Variants in PACRGL observed in about 807,000 individuals in gnomAD.
PACRGL encodes the protein parkin coregulated like.
Under a neutral mutation model 34.5 loss-of-function variants are expected in PACRGL, and 38 were observed. That is an observed-to-expected ratio of 1.10 (90% CI 0.85 to 1.44). The LOEUF (loss-of-function observed/expected upper bound fraction) is 1.44, where lower values mean the gene tolerates loss of function less well. Ranked by LOEUF, PACRGL falls within the 40% of genes most tolerant of loss-of-function variation. The pLI, the probability that PACRGL is intolerant of heterozygous loss-of-function variation, is 0.00. For synonymous variants in PACRGL, 128 were observed against 100.1 expected (o/e 1.28, Z -1.66); for missense variants, 305 against 281.4 (o/e 1.08, Z -0.60).
the PACRGL span, chr4:20,758,977 A>C: frequency 1.0e-6 from 1 of 974,538 alleles, no homozygotes; most frequent in South Asian, 1.4e-5. Flanking sequence ...ACTGTCTACC[A>C]TGCAAAGCTG....
downstream of PACRGL, among the ~76,000 whole-genome samples, chr4:20,736,803 G>C (rs1185266307): frequency 6.6e-6 from 1 of 152,120 alleles, no homozygotes; most frequent in African/African-American, 2.4e-5. Flanking sequence ...GACAAAAACA[G>C]AAATAATTGT....
chr4:20,715,799 A>G (rs1158323561), intron 7 of PACRGL, among the ~76,000 whole-genome samples: 1 of 152,066 alleles, frequency 6.6e-6, no homozygotes, highest in East Asian at 1.9e-4. Context: ...TTGGAGGTGG[A>G]GGTTGTAGTG....
intron 8 of PACRGL, among the ~76,000 whole-genome samples, chr4:20,744,111 C>T (rs1254058794): frequency 1.3e-5 from 2 of 152,128 alleles, no homozygotes; most frequent in Admixed American, 6.6e-5. Context: ...AGTCAGGAAA[C>T]AACAGATGCT....
intron 1 of PACRGL, chr4:20,701,526 T>A (rs1410550796): frequency 5.7e-6 from 1 of 174,096 alleles, no homozygotes; most frequent in East Asian, 1.5e-4. Context: ...CAGGTTCGCT[T>A]CTCCCCATCA....
rs541639609 is a variant in PACRGL, at chr4:20,701,914, C to T, written c.-17+1127C>T. 4.2e-5 allele frequency: 19 copies of T among 455,790 alleles called. No individual in the cohort carries two copies. In the East Asian group the frequency reaches 1.3e-3, roughly 32 times the overall value. 28.2% of individuals were successfully genotyped at this position (455,790 alleles called of 1,614,324 possible). A position where few individuals can be genotyped will look rare whatever the true frequency, so the allele number is the denominator to read the frequency against. On this transcript the variant is annotated intron_variant, in intron 1 of 8. Transcript: ENST00000503585. ...AGGATAAAAATTTTAAGTGAAAAAGCAATTGTTTTGGAAGGAAATTCTCTA... is the reference window on the plus strand; with the variant it reads ...AGGATAAAAATTTTAAGTGAAAAAGTAATTGTTTTGGAAGGAAATTCTCTA...
At chr4:20,761,121 A>T in the PACRGL span, among the ~76,000 whole-genome samples, 2 of 152,162 alleles carry the variant, frequency 1.3e-5, no homozygotes, top group Non-Finnish European at 2.9e-5. Flanking sequence ...CTTCCCAGAG[A>T]AAGAGTGTTC....
intron 7 of PACRGL, among the ~76,000 whole-genome samples, chr4:20,719,743 C>T (rs1012975373): frequency 7.9e-5 from 12 of 151,832 alleles, no homozygotes; most frequent in Non-Finnish European, 1.5e-4. Flanking sequence ...GAGTGCTTTA[C>T]TTCCAACTAT....
intron 8 of PACRGL, among the ~76,000 whole-genome samples, chr4:20,746,476 C>A (rs1752452683): frequency 6.6e-6 from 1 of 151,440 alleles, no homozygotes; most frequent in Non-Finnish European, 1.5e-5. Flanking sequence ...ACCTATGTGA[C>A]AAAAATGCAC....
chr4:20,707,918 A>G (rs1238816320), intron 4 of PACRGL, 48 bp downstream of exon 4: 1 of 1,318,742 alleles, frequency 7.6e-7, no homozygotes, highest in Admixed American at 1.8e-5. Context: ...AAAATCATTG[A>G]GTAAAATGAA....
intron 7 of PACRGL, among the ~76,000 whole-genome samples, chr4:20,717,184 G>GT (rs1289357469): frequency 1.3e-5 from 2 of 151,994 alleles, no homozygotes; most frequent in Non-Finnish European, 2.9e-5. Context: ...GGGGTTGTTT[G>GT]TTTTTTTCTT....
downstream of PACRGL, among the ~76,000 whole-genome samples, chr4:20,734,318 T>C (rs1431440619): frequency 6.6e-6 from 1 of 152,166 alleles, no homozygotes; most frequent in Non-Finnish European, 1.5e-5. Flanking sequence ...TCAGGCTAAA[T>C]GTTGAAACAT....
intron 8 of PACRGL, among the ~76,000 whole-genome samples, chr4:20,738,989 G>A (rs1427762489): frequency 6.6e-6 from 1 of 152,174 alleles, no homozygotes; most frequent in Non-Finnish European, 1.5e-5. Context: ...CTTGCTCACT[G>A]CTATCACAGA....
chr4:20,729,944 T>A lies in PACRGL; in HGVS notation c.*2603T>A. The A allele has an allele frequency of 9.9e-7, 1 of 1,011,344 alleles. No homozygotes were observed. The highest frequency in any genetic ancestry group is 1.4e-6 in the Non-Finnish European group (1 of 736,798). 62.6% of individuals were successfully genotyped at this position (1,011,344 alleles called of 1,614,324 possible). Reference sequence around the variant, plus strand: ...AAGCTCAAATCTTTTGGGGATTGCTTTATATTAAAACAAAGCTTGTTTGCA... The same window carrying A: ...AAGCTCAAATCTTTTGGGGATTGCTATATATTAAAACAAAGCTTGTTTGCA... On this transcript the variant is annotated 3_prime_UTR_variant, in exon 9 of 9. Coordinates refer to ENST00000503585, the MANE Select transcript of PACRGL (RefSeq NM_001258345.3).
upstream of PACRGL, among the ~76,000 whole-genome samples, chr4:20,697,323 G>A (rs567781375): frequency 6.6e-6 from 1 of 152,020 alleles, no homozygotes; most frequent in Non-Finnish European, 1.5e-5. Context: ...TTCTTTACAA[G>A]AATTAAGACA....
chr4:20,730,198 T>C lies in PACRGL; in HGVS notation c.*2857T>C. The C allele has an allele frequency of 2.0e-6, 3 of 1,514,590 alleles. No individual in the cohort carries two copies. The highest frequency in any genetic ancestry group is 1.8e-6 in the Non-Finnish European group (2 of 1,129,366). 93.8% of individuals were successfully genotyped at this position (1,514,590 alleles called of 1,614,324 possible). ...AAGGAAAAGTACACTATTTTGCCCC[T>C]GAGTATTGCCTCCTCCCATCAACCA... is the stretch of plus-strand genomic sequence containing the variant. On this transcript the variant is annotated 3_prime_UTR_variant, in exon 9 of 9. Transcript: ENST00000503585.
chr4:20,763,538 T>C, the PACRGL span, among the ~76,000 whole-genome samples: 2 of 152,212 alleles, frequency 1.3e-5, no homozygotes, highest in African/African-American at 4.8e-5. Flanking sequence ...ATTCTCATTT[T>C]TTTTGTTGTT....
At chr4:20,742,815 C>A (rs1410157262) in intron 8 of PACRGL, among the ~76,000 whole-genome samples, 1 of 152,008 alleles carries the variant, frequency 6.6e-6, no homozygotes, top group African/African-American at 2.4e-5. Context: ...TTTAGAAAAC[C>A]CTGTCGTCTC....
rs1308426819 is a variant in PACRGL, at chr4:20,731,694, G to A, written c.*4353G>A. ...ATGAGTGATGCTAAGTTTTGGCAAA[G>A]AGCAATTCAAATCTCATGTATGTTT... On this transcript the variant is annotated 3_prime_UTR_variant, in exon 9 of 9. Transcript: ENST00000503585. 2 of 985,154 alleles carry A rather than the reference G, an allele frequency of 2.0e-6. No homozygotes were observed. The highest frequency in any genetic ancestry group is 2.4e-6 in the Non-Finnish European group (2 of 829,826). 61.0% of individuals were successfully genotyped at this position (985,154 alleles called of 1,614,324 possible).
chr4:20,724,891 A>T lies in PACRGL; in HGVS notation c.690+3A>T. On this transcript the variant is annotated splice_donor_region_variant and intron_variant, in intron 8 of 8. Coordinates refer to ENST00000503585, the MANE Select transcript of PACRGL (RefSeq NM_001258345.3). ...AGCTAGAGCAACATGGTGGAAGTGT[A>T]AGTAGAATATTATTCCTTAAGTCTT... 6.9e-7 allele frequency: 1 copy of T among 1,453,226 alleles called. No individual in the cohort carries two copies. The highest frequency in any genetic ancestry group is 9.0e-7 in the Non-Finnish European group (1 of 1,107,644). 90.0% of individuals were successfully genotyped at this position (1,453,226 alleles called of 1,614,324 possible). A position where few individuals can be genotyped will look rare whatever the true frequency, so the allele number is the denominator to read the frequency against.
Sources: gnomAD v4.1 joint callset for allele counts (sites outside exome capture counted in the v4.1 genomes callset) on GRCh38, gnomAD v4.1.1 for gene constraint, MANE v1.5 for transcripts, NCBI Gene and HGNC (gene_info 2026-07-23, HGNC 2026-07-21) for gene names.